The following HIPK3 variants were observed in gnomAD, a reference collection of about 807,000 sequenced individuals.
The protein encoded by HIPK3 is homeodomain-interacting protein kinase 3.
HIPK3 carries 47 observed loss-of-function variants against 124.2 expected under a neutral mutation model. That is an observed-to-expected ratio of 0.38 (90% CI 0.30 to 0.48). The LOEUF (loss-of-function observed/expected upper bound fraction) is 0.48. Ranked by LOEUF, HIPK3 falls within the 20% of genes least tolerant of loss-of-function variation. The pLI is 0.98. For synonymous variants in HIPK3, 482 were observed against 515.2 expected, an observed-to-expected ratio of 0.94 and a Z score of 0.87; for missense variants, 1,286 against 1,454.3, an observed-to-expected ratio of 0.88 and a Z score of 1.88.
In HIPK3 at chr11:33,311,482, T is replaced by TTTTG. The variant is rs201877662; in HGVS notation, c.1098-17016_1098-17013dup. ...GGTTTCAGCCACCATGCCTGGCCTT[T>TTTTG]TTTGTTTGTTTGTTTTTCAATAGAC... On this transcript the variant is annotated intron_variant, in intron 2 of 16. Transcript: ENST00000303296. Among the ~76,000 whole-genome samples the TTTTG allele has an allele frequency of 9.3e-3, 1,416 of 152,288 alleles. 5 individuals are homozygous for TTTTG. The highest frequency in any genetic ancestry group is 0.014 in the Non-Finnish European group (962 of 68,024).
intron 2 of HIPK3, among the ~76,000 whole-genome samples, chr11:33,322,940 A>C (rs1022892128): frequency 2.6e-5 from 4 of 152,188 alleles, no homozygotes; most frequent in African/African-American, 9.7e-5. Context: ...GTTGTTCTTC[A>C]TGTAGACCCT....
intron 2 of HIPK3, among the ~76,000 whole-genome samples, chr11:33,305,872 A>T (rs1238321498): frequency 6.6e-6 from 1 of 151,238 alleles, no homozygotes; most frequent in Non-Finnish European, 1.5e-5. Context: ...TTGGAGACAG[A>T]GTCTCACTGT....
intron 1 of HIPK3, among the ~76,000 whole-genome samples, chr11:33,282,323 T>C (rs1459832687): frequency 1.3e-5 from 2 of 151,876 alleles, no homozygotes; most frequent in Non-Finnish European, 2.9e-5. Flanking sequence ...AGGTCGAAGC[T>C]GCAGCAAGCC....
chr11:33,343,739 A>G lies in HIPK3; in HGVS notation c.1897+2053A>G, dbSNP rs182978841. Among the ~76,000 whole-genome samples the G allele has an allele frequency of 7.2e-5, 11 of 152,288 alleles. 1 individual carries two copies. Among genetic ancestry groups the G allele is most frequent in the Admixed American group, 6.5e-4 (10 of 15,304 alleles). On this transcript the variant is annotated intron_variant, in intron 8 of 16. Coordinates refer to ENST00000303296, the MANE Select transcript of HIPK3 (RefSeq NM_005734.5). Reference sequence around the variant, plus strand: ...TCAGATCTTTAGTTACTGTTGTTCTATCGGGGTAGCTTTATTTTCATTGTT... The same window carrying G: ...TCAGATCTTTAGTTACTGTTGTTCTGTCGGGGTAGCTTTATTTTCATTGTT...
chr11:33,261,219 T>G (rs1168192637), intron 1 of HIPK3, among the ~76,000 whole-genome samples: 1 of 148,872 alleles, frequency 6.7e-6, no homozygotes, highest in African/African-American at 2.4e-5. Context: ...TTTTTTTTCT[T>G]TTTAAACTTT....
intron 1 of HIPK3, among the ~76,000 whole-genome samples, chr11:33,273,006 T>C (rs1400663578): frequency 1.3e-5 from 2 of 151,372 alleles, no homozygotes; most frequent in Non-Finnish European, 2.9e-5. Context: ...GGCTAATTTT[T>C]TTTTTTAAAT....
chr11:33,323,568 G>A (rs752568858), intron 2 of HIPK3, among the ~76,000 whole-genome samples: 10 of 152,222 alleles, frequency 6.6e-5, no homozygotes, highest in Non-Finnish European at 1.2e-4. Context: ...GAAATGTCCA[G>A]AATAGGCAAA....
chr11:33,311,966 C>A (rs1852361274), intron 2 of HIPK3, among the ~76,000 whole-genome samples: 1 of 78,648 alleles, frequency 1.3e-5, no homozygotes, highest in Non-Finnish European at 2.9e-5. Flanking sequence ...CATAGCAAGA[C>A]CCTGTTTCTA....
chr11:33,261,550 C>T (rs1318929547), intron 1 of HIPK3, among the ~76,000 whole-genome samples: 2 of 152,102 alleles, frequency 1.3e-5, no homozygotes, highest in African/African-American at 4.8e-5. Flanking sequence ...TGACATCATT[C>T]TTTTTTTATG....
chr11:33,352,411 C>T, intron 16 of HIPK3, 146 bp downstream of exon 16: 1 of 809,734 alleles, frequency 1.2e-6, no homozygotes, highest in South Asian at 1.8e-5. Flanking sequence ...GAGTAACTGG[C>T]TTAATAATAG....
intron 2 of HIPK3, among the ~76,000 whole-genome samples, chr11:33,310,320 A>G (rs1039943093): frequency 2.0e-5 from 3 of 150,176 alleles, no homozygotes; most frequent in Non-Finnish European, 3.0e-5. Context: ...CTATCTATCT[A>G]TTCTATTGAG....
intron 2 of HIPK3, among the ~76,000 whole-genome samples, chr11:33,288,974 A>G (rs1013316900): frequency 6.6e-6 from 1 of 152,178 alleles, no homozygotes; most frequent in Non-Finnish European, 1.5e-5. Context: ...CTGATACTGC[A>G]TTTGCCTTTC....
chr11:33,300,734 G>A (rs1263401572), intron 2 of HIPK3, among the ~76,000 whole-genome samples: 1 of 151,988 alleles, frequency 6.6e-6, no homozygotes, highest in East Asian at 1.9e-4. Context: ...TATGTGTGTA[G>A]TATTTTTTTG....
intron 2 of HIPK3, among the ~76,000 whole-genome samples, chr11:33,309,791 C>T (rs1038582951): frequency 6.6e-6 from 1 of 152,186 alleles, no homozygotes. Context: ...GTACACTGTA[C>T]TGCTAAACAC....
chr11:33,347,797 G>C, intron 10 of HIPK3, 44 bp downstream of exon 10: 1 of 1,613,014 alleles, frequency 6.2e-7, no homozygotes, highest in Non-Finnish European at 8.5e-7. Context: ...TTGCAGACTA[G>C]ATCTTGATTA....
At chr11:33,329,495 C>T (rs77311088) in intron 3 of HIPK3, among the ~76,000 whole-genome samples, 2,464 of 152,084 alleles carry the variant, frequency 0.016, 73 homozygotes, top group African/African-American at 0.057. Flanking sequence ...TATTTTAGGG[C>T]TATTTTCTCT....
chr11:33,338,864 T>A, intron 5 of HIPK3, 21 bp downstream of exon 5: 1 of 1,552,634 alleles, frequency 6.4e-7, no homozygotes, highest in Non-Finnish European at 8.9e-7. Flanking sequence ...TAGCCACATT[T>A]GTTCATCTTA....
chr11:33,293,648 A>G (rs1434779839), intron 2 of HIPK3, among the ~76,000 whole-genome samples: 2 of 151,872 alleles, frequency 1.3e-5, no homozygotes, highest in East Asian at 1.9e-4. Flanking sequence ...GTAGATATAT[A>G]CCACATTTTA....
intron 6 of HIPK3, among the ~76,000 whole-genome samples, chr11:33,339,937 T>G (rs192714375): frequency 6.4e-4 from 97 of 152,324 alleles, no homozygotes; most frequent in African/African-American, 2.3e-3. Context: ...TCCCCACAAC[T>G]TTTGCTTTCC....
Sources: gnomAD v4.1 joint callset for allele counts (sites outside exome capture counted in the v4.1 genomes callset) on GRCh38, gnomAD v4.1.1 for gene constraint, MANE v1.5 for transcripts, NCBI Gene and HGNC (gene_info 2026-07-23, HGNC 2026-07-21) for gene names.